Variants in MME observed in about 807,000 individuals in gnomAD.
MME encodes the protein membrane metalloendopeptidase.
A neutral mutation model predicts 113.2 loss-of-function variants in MME; 98 were observed. The ratio of observed to expected loss-of-function variants is 0.87; its 90% CI spans 0.74 to 1.02. The LOEUF is 1.02. Ranked by LOEUF, MME falls within the 50% of genes least tolerant of loss-of-function variation. The pLI is 0.00. For synonymous variants in MME, 292 were observed against 300.6 expected (o/e 0.97, Z 0.30); for missense variants, 836 against 896.0 (o/e 0.93, Z 0.86).
chr3:155,152,941 G>T (rs1437205516), intron 16 of MME, among the ~76,000 whole-genome samples: 3 of 151,986 alleles, frequency 2.0e-5, no homozygotes, highest in Non-Finnish European at 4.4e-5. Context: ...GAGGAAGTCA[G>T]GAAGTCTGCA....
At chr3:155,037,099 A>G (rs1713153013) in intron 1 of MME, among the ~76,000 whole-genome samples, 2 of 152,216 alleles carry the variant, frequency 1.3e-5, no homozygotes, top group South Asian at 4.1e-4. Context: ...TTTGTCAGGC[A>G]GTACTGCGCT....
chr3:155,045,886 A>G (rs1713540999), intron 1 of MME, among the ~76,000 whole-genome samples: 1 of 152,094 alleles, frequency 6.6e-6, no homozygotes, highest in Non-Finnish European at 1.5e-5. Flanking sequence ...GTTTCCCTCT[A>G]AGGATAGTAT....
chr3:155,050,142 T>C (rs1258695163), intron 1 of MME, among the ~76,000 whole-genome samples: 1 of 152,180 alleles, frequency 6.6e-6, no homozygotes, highest in Non-Finnish European at 1.5e-5. Context: ...GCTCTATTCA[T>C]GTTGCTGCAA....
At chr3:155,167,100 A>G in intron 18 of MME, 79 bp downstream of exon 18, 1 of 1,503,318 alleles carries the variant, frequency 6.7e-7, no homozygotes. Flanking sequence ...ATTTATTACT[A>G]CAAAGCTACA....
At chr3:155,116,271 T>A (rs957295254) in intron 4 of MME, among the ~76,000 whole-genome samples, 2 of 151,938 alleles carry the variant, frequency 1.3e-5, no homozygotes, top group Non-Finnish European at 2.9e-5. Flanking sequence ...CCCAGTTCTG[T>A]GCTAGGAATG....
intron 8 of MME, among the ~76,000 whole-genome samples, chr3:155,122,304 C>T (rs1191527855): frequency 6.6e-6 from 1 of 151,032 alleles, no homozygotes; most frequent in East Asian, 1.9e-4. Flanking sequence ...TGATTCTTCT[C>T]TCTTTTTTTC....
intron 8 of MME, among the ~76,000 whole-genome samples, chr3:155,137,734 A>G (rs985153798): frequency 2.0e-5 from 3 of 152,148 alleles, no homozygotes; most frequent in Non-Finnish European, 4.4e-5. Flanking sequence ...ATAAAAAAAG[A>G]AATGTATTAT....
At chr3:155,127,632 C>T (rs1401296533) in intron 8 of MME, among the ~76,000 whole-genome samples, 1 of 152,212 alleles carries the variant, frequency 6.6e-6, no homozygotes, top group Non-Finnish European at 1.5e-5. Context: ...ATTTAGCATA[C>T]TCTGCCACAG....
rs1576683579 is a variant in MME, at chr3:155,180,721, A to C, written c.*262A>C. The C allele has an allele frequency of 2.4e-6, 1 of 422,000 alleles. No individual in the cohort carries two copies. The highest frequency in any genetic ancestry group is 3.6e-5 in the Admixed American group (1 of 27,532). 26.1% of individuals were successfully genotyped at this position (422,000 alleles called of 1,614,324 possible). ...ATTTCTAAAGATAATATTACTGTTT[A>C]TTTCTGTTTCTCATATGGTCTACCA... is the stretch of plus-strand genomic sequence containing the variant. On this transcript the variant is annotated 3_prime_UTR_variant, in exon 23 of 23. Coordinates refer to ENST00000360490, the MANE Select transcript of MME (RefSeq NM_007289.4).
At chr3:155,154,871 A>T (rs1722202325) in intron 16 of MME, among the ~76,000 whole-genome samples, 1 of 152,186 alleles carries the variant, frequency 6.6e-6, no homozygotes, top group Non-Finnish European at 1.5e-5. Flanking sequence ...GTAGACGGAG[A>T]TGATTTGTAA....
chr3:155,029,174 A>G (rs1712887210), intron 1 of MME, among the ~76,000 whole-genome samples: 1 of 152,154 alleles, frequency 6.6e-6, no homozygotes, highest in African/African-American at 2.4e-5. Context: ...TTTCTTGTTA[A>G]TACTACACAA....
intron 3 of MME, among the ~76,000 whole-genome samples, chr3:155,099,440 T>C (rs1246229335): frequency 6.6e-6 from 1 of 152,194 alleles, no homozygotes; most frequent in East Asian, 1.9e-4. Flanking sequence ...CTACAGTGCC[T>C]TCACCGTGAA....
At chr3:155,162,480 A>G (rs1409163209) in intron 17 of MME, among the ~76,000 whole-genome samples, 1 of 152,164 alleles carries the variant, frequency 6.6e-6, no homozygotes, top group Non-Finnish European at 1.5e-5. Flanking sequence ...CTATAATAAC[A>G]ATTCTGAATA....
chr3:155,156,278 C>T (rs556294100), intron 16 of MME, among the ~76,000 whole-genome samples: 1 of 152,072 alleles, frequency 6.6e-6, no homozygotes, highest in African/African-American at 2.4e-5. Flanking sequence ...CACTTTTGTC[C>T]TGCATGGTTG....
intron 1 of MME, among the ~76,000 whole-genome samples, chr3:155,053,724 G>T (rs1004123589): frequency 2.0e-5 from 3 of 152,152 alleles, no homozygotes; most frequent in Admixed American, 6.5e-5. Context: ...CAAGAAATGG[G>T]CTGATAGAGC....
At chr3:155,101,138 C>G (rs754612337) in intron 3 of MME, among the ~76,000 whole-genome samples, 2 of 152,146 alleles carry the variant, frequency 1.3e-5, no homozygotes, top group Non-Finnish European at 2.9e-5. Context: ...TCCTCCTTCA[C>G]GTTCTCTCAT....
intron 8 of MME, among the ~76,000 whole-genome samples, chr3:155,136,538 A>C (rs540393691): frequency 3.3e-5 from 5 of 152,348 alleles, no homozygotes; most frequent in African/African-American, 1.2e-4. Context: ...AGCATTACAG[A>C]GTATCCATGA....
chr3:155,125,694 T>A (rs1404888805), intron 8 of MME, among the ~76,000 whole-genome samples: 1 of 151,822 alleles, frequency 6.6e-6, no homozygotes, highest in Non-Finnish European at 1.5e-5. Flanking sequence ...CTCCTGACTT[T>A]GTGGTCCACC....
chr3:155,157,562 T>G (rs1722407063), intron 16 of MME, among the ~76,000 whole-genome samples: 1 of 152,138 alleles, frequency 6.6e-6, no homozygotes, highest in Non-Finnish European at 1.5e-5. Context: ...GTTGGCCCTG[T>G]TAATTTAGTT....
Sources: gnomAD v4.1 joint callset for allele counts (sites outside exome capture counted in the v4.1 genomes callset) on GRCh38, gnomAD v4.1.1 for gene constraint, MANE v1.5 for transcripts, NCBI Gene and HGNC (gene_info 2026-07-23, HGNC 2026-07-21) for gene names.